CCSER2: variants seen among roughly 807,000 people sequenced by gnomAD.
The protein encoded by CCSER2 is coiled-coil serine rich protein 2.
CCSER2 carries 46 observed loss-of-function variants against 92.3 expected under a neutral mutation model. That is an observed-to-expected ratio of 0.50 (90% CI 0.39 to 0.64). The LOEUF is 0.64. Ranked by LOEUF, CCSER2 falls within the 30% of genes least tolerant of loss-of-function variation. The pLI is 0.00. For synonymous variants in CCSER2, 433 were observed against 431.4 expected, an observed-to-expected ratio of 1.00 and a Z score of -0.04; for missense variants, 1,244 against 1,238.9, an observed-to-expected ratio of 1.00 and a Z score of -0.06.
chr10:84,456,949 T>C (rs931608784), intron 6 of CCSER2, among the ~76,000 whole-genome samples: 1 of 151,718 alleles, frequency 6.6e-6, no homozygotes, highest in Non-Finnish European at 1.5e-5. Flanking sequence ...GAGAGTTCTT[T>C]ATATATTTTA....
At chr10:84,493,754 T>G (rs1848296281) in intron 9 of CCSER2, among the ~76,000 whole-genome samples, 1 of 152,160 alleles carries the variant, frequency 6.6e-6, no homozygotes, top group African/African-American at 2.4e-5. Flanking sequence ...GTGGGAGCAG[T>G]GTGGATGGTT....
rs1180094564 is a variant in CCSER2 at position 84,358,661 on chromosome 10, C to CAT, written c.-39-12349_-39-12348dup. Reference sequence around the variant, plus strand: ...ATGTATATATGTGTATATATATATACATATACATATATGTATATATATATA... The same window carrying CAT: ...ATGTATATATGTGTATATATATATACATATATACATATATGTATATATATATA... On this transcript the variant is annotated intron_variant, in intron 1 of 9. Transcript: ENST00000372088. Among the ~76,000 whole-genome samples the CAT allele has an allele frequency of 1.5e-4, 22 of 146,130 alleles. No homozygotes were observed. The East Asian group carries it at 2.4e-3, about 16-fold the overall frequency.
At chr10:84,455,571 C>T (rs1051052839) in intron 6 of CCSER2, 4 of 461,262 alleles carry the variant, frequency 8.7e-6, no homozygotes, top group African/African-American at 8.1e-5. Flanking sequence ...CTACTGCGCC[C>T]AGCCTTTTCC....
chr10:84,439,517 C>T (rs1844397715), intron 6 of CCSER2, among the ~76,000 whole-genome samples: 1 of 152,094 alleles, frequency 6.6e-6, no homozygotes, highest in African/African-American at 2.4e-5. Flanking sequence ...TCCTGGTGGC[C>T]ATCAAAACAA....
intron 1 of CCSER2, among the ~76,000 whole-genome samples, chr10:84,346,651 C>A (rs1844494194): frequency 6.6e-6 from 1 of 151,798 alleles, no homozygotes; most frequent in African/African-American, 2.4e-5. Context: ...AGTCTATCAT[C>A]CAGCCATCTG....
intron 1 of CCSER2, among the ~76,000 whole-genome samples, chr10:84,363,879 CAT>C (rs1176479879): frequency 6.6e-6 from 1 of 152,142 alleles, no homozygotes; most frequent in East Asian, 1.9e-4. Context: ...CTGTGAACAT[CAT>C]AGAGTATACT....
chr10:84,472,484 A>G (rs995463558), intron 8 of CCSER2, among the ~76,000 whole-genome samples: 1 of 152,146 alleles, frequency 6.6e-6, no homozygotes, highest in Non-Finnish European at 1.5e-5. Flanking sequence ...AGGCAGAACA[A>G]TCACTTGAAC....
chr10:84,372,523 A>T, intron 2 of CCSER2, 54 bp downstream of exon 2: 1 of 1,006,634 alleles, frequency 9.9e-7, no homozygotes. Context: ...ATATAACTGA[A>T]CTTACATTTA....
At position 84,373,020 on chromosome 10, in the gene CCSER2, A is replaced by G. The variant is rs144326244; in HGVS notation, c.1417+551A>G. ...TAATACCTGTTAAACATTTCCTCTT[A>G]TGTTTGGTTATCCTGTTACTAAATG... On this transcript the variant is annotated intron_variant, in intron 2 of 9. Transcript: ENST00000372088. Among the ~76,000 whole-genome samples the G allele has an allele frequency of 7.2e-4, 110 of 152,186 alleles. 1 individual carries two copies. Among genetic ancestry groups the G allele is most frequent in the African/African-American group, 2.6e-3 (106 of 41,556 alleles).
At chr10:84,446,057 ACT>A (rs1483430762) in intron 6 of CCSER2, among the ~76,000 whole-genome samples, 1 of 151,676 alleles carries the variant, frequency 6.6e-6, no homozygotes, top group Non-Finnish European at 1.5e-5. Context: ...ATACCTACCC[ACT>A]CTTTCCCTTT....
chr10:84,400,927 A>G lies in CCSER2; in HGVS notation c.1615-16844A>G, dbSNP rs570189974. 2.6e-5 allele frequency among the ~76,000 whole-genome samples: 4 copies of G among 152,176 alleles called. No homozygotes were observed. The South Asian group carries it at 8.3e-4, about 32-fold the overall frequency. On this transcript the variant is annotated intron_variant, in intron 3 of 9. Transcript: ENST00000372088. ...AAACTCCATCTCTAAATAAATAAAT[A>G]AATGCCATCTGTAGCCGGGTGCCAT...
At chr10:84,483,806 A>G (rs1241279457) in intron 9 of CCSER2, among the ~76,000 whole-genome samples, 1 of 123,754 alleles carries the variant, frequency 8.1e-6, no homozygotes, top group Admixed American at 8.5e-5. Flanking sequence ...TTTTTTTTTG[A>G]GATGGAATCT....
chr10:84,418,392 G>A (rs779937426), intron 4 of CCSER2, among the ~76,000 whole-genome samples: 12 of 152,112 alleles, frequency 7.9e-5, no homozygotes, highest in Non-Finnish European at 1.6e-4. Flanking sequence ...GGGGCCTTAG[G>A]TTCTTTTCAC....
chr10:84,416,991 G>T (rs1359747365), intron 3 of CCSER2, among the ~76,000 whole-genome samples: 4 of 152,032 alleles, frequency 2.6e-5, no homozygotes, highest in Admixed American at 2.6e-4. Context: ...TTGGACTTTT[G>T]ATCTTTTTAC....
chr10:84,385,031 A>ACACACACACACC (rs1356165226), intron 3 of CCSER2, among the ~76,000 whole-genome samples: 3 of 151,998 alleles, frequency 2.0e-5, no homozygotes, highest in Admixed American at 2.0e-4. Context: ...ACACACACAC[A>ACACACACACACC]CACCCAGGAA....
chr10:84,416,356 C>T (rs533154771), intron 3 of CCSER2, among the ~76,000 whole-genome samples: 1 of 152,282 alleles, frequency 6.6e-6, no homozygotes, highest in African/African-American at 2.4e-5. Flanking sequence ...TCCGTGAGTG[C>T]CGCAGACTGT....
At chr10:84,468,370 A>G (rs1846577865) in intron 7 of CCSER2, among the ~76,000 whole-genome samples, 1 of 152,234 alleles carries the variant, frequency 6.6e-6, no homozygotes, top group Admixed American at 6.5e-5. Context: ...AATGTTTGAG[A>G]TGATGGAAAT....
chr10:84,387,535 T>G (rs1841286455), intron 3 of CCSER2, among the ~76,000 whole-genome samples: 1 of 150,334 alleles, frequency 6.7e-6, no homozygotes, highest in Non-Finnish European at 1.5e-5. Context: ...TAATTTTAAT[T>G]TTTTTTTTTT....
At chr10:84,501,856 T>TATACTCATATATATATAG (rs1589827384) in intron 9 of CCSER2, among the ~76,000 whole-genome samples, 1 of 101,658 alleles carries the variant, frequency 9.8e-6, no homozygotes, top group Non-Finnish European at 2.2e-5. Context: ...TATATATATA[T>TATACTCATATATATATAG]ATACTCATAT....
Sources: gnomAD v4.1 joint callset for allele counts (sites outside exome capture counted in the v4.1 genomes callset) on GRCh38, gnomAD v4.1.1 for gene constraint, MANE v1.5 for transcripts, NCBI Gene and HGNC (gene_info 2026-07-23, HGNC 2026-07-21) for gene names.